Variants in ATP1A2 observed in about 807,000 individuals in gnomAD.
ATP1A2 encodes the protein sodium/potassium-transporting ATPase subunit alpha-2.
In ATP1A2, 56 loss-of-function variants were observed where a neutral mutation model predicts 113.1. The ratio of observed to expected loss-of-function variants is 0.49; its 90% confidence interval spans 0.40 to 0.62. ATP1A2 has a LOEUF of 0.62. Among genes scored for constraint, ATP1A2 ranks in the 20% least tolerant of loss-of-function variants. ATP1A2 has a pLI of 0.00. For synonymous variants in ATP1A2, 490 were observed against 526.8 expected, an observed-to-expected ratio of 0.93 and a Z score of 0.96; for missense variants, 712 against 1,357.8, an observed-to-expected ratio of 0.52 and a Z score of 7.47.
chr1:160,134,324 C>T (rs1406357323), intron 13 of ATP1A2, among the ~76,000 whole-genome samples, 160 bp from the exon 14 acceptor site: 11 of 152,036 alleles, frequency 7.2e-5, no homozygotes, highest in Non-Finnish European at 1.2e-4. Context: ...ACCCCAGCCA[C>T]TCCCCTGCCC....
Position 160,124,395 on chromosome 1 carries a change from G to A in ATP1A2, c.595G>A (p.Ala199Thr), listed in dbSNP as rs552070586. ...VEVKGGDRVP[A>T]DLRIISSHGC... ...GGTGAAGGGTGGAGACCGCGTCCCT[G>A]CTGACCTCCGGATCATCTCTTCTCA... Residue 199 changes from alanine (A) to threonine (T), a missense_variant, in exon 6 of 23, where the codon GCT becomes ACT. Around this residue, in one of 6 missense-constraint regions of ATP1A2, gnomAD observed 99 missense variants for 180.4 expected, o/e 0.55. Transcript: ENST00000361216. 2.5e-6 allele frequency: 4 copies of A among 1,611,994 alleles called. No individual in the cohort carries two copies. In the South Asian group the frequency reaches 4.4e-5, roughly 18 times the overall value.
rs2102000400 is a variant in ATP1A2 at position 160,141,687 on chromosome 1, A to G, written c.*365A>G. 8.9e-6 allele frequency: 3 copies of G among 335,522 alleles called. No homozygotes were observed. The highest frequency in any genetic ancestry group is 6.8e-5 in the East Asian group (1 of 14,796). 20.8% of individuals were successfully genotyped at this position (335,522 alleles called of 1,614,324 possible). A position where few individuals can be genotyped will look rare whatever the true frequency, so the allele number is the denominator to read the frequency against. ...GATCAGCATCCAAAAGCAGGAACCC[A>G]TCTAAACCAGAAGGAAGCCCTCTCA... is the stretch of plus-strand genomic sequence containing the variant. On this transcript the variant is annotated 3_prime_UTR_variant, in exon 23 of 23. Coordinates refer to ENST00000361216, the MANE Select transcript of ATP1A2 (RefSeq NM_000702.4).
intron 8 of ATP1A2, chr1:160,128,288 T>C (rs76012444): frequency 5.3e-5 from 26 of 488,408 alleles, no homozygotes; most frequent in Non-Finnish European, 9.2e-5. Context: ...CTGCTCCCCC[T>C]ACACTGATTC....
rs117680524 is a variant in ATP1A2, at chr1:160,141,464, A to G, written c.*142A>G. The G allele has an allele frequency of 2.8e-4, 297 of 1,047,636 alleles. No individual in the cohort carries two copies. In the East Asian group the frequency reaches 6.6e-3, roughly 23 times the overall value. The allele number at this position is 1,047,636 out of a possible 1,614,324, so 64.9% of individuals were successfully genotyped here. A position where few individuals can be genotyped will look rare whatever the true frequency, so the allele number is the denominator to read the frequency against. On this transcript the variant is annotated 3_prime_UTR_variant, in exon 23 of 23. Coordinates refer to ENST00000361216, the MANE Select transcript of ATP1A2 (RefSeq NM_000702.4). ...GATAATGAGGCAACTCAGCAGGCTA[A>G]GTTGCGGGGTATATAAATTGGGGTG... is the stretch of plus-strand genomic sequence containing the variant.
rs375107489 is a variant in ATP1A2, at chr1:160,135,130, C to T, written c.1965-15C>T. 6.8e-6 allele frequency: 11 copies of T among 1,613,798 alleles called. No homozygotes were observed. The African/African-American group carries it at 1.5e-4, about 22-fold the overall frequency. On this transcript the variant is annotated splice_polypyrimidine_tract_variant and intron_variant, in intron 14 of 22. Transcript: ENST00000361216. The surrounding 1 kb of genome is among the most constrained non-coding windows in gnomAD (Gnocchi z 6.3). ...TGCCAGGGGTCAGCTGTCTCTGTCC[C>T]CACCCACCCTCCAGAGAAGCCAAGG...
At chr1:160,136,458 G>A in intron 18 of ATP1A2, 88 bp downstream of exon 18, 2 of 1,612,404 alleles carry the variant, frequency 1.2e-6, no homozygotes, top group Non-Finnish European at 1.7e-6. Flanking sequence ...AAAATTCCAG[G>A]ACAGAGGCCA....
intron 13 of ATP1A2, among the ~76,000 whole-genome samples, chr1:160,131,624 A>G (rs969020041): frequency 2.0e-5 from 3 of 152,112 alleles, no homozygotes; most frequent in Non-Finnish European, 2.9e-5. Context: ...TAAGGAGTCC[A>G]AGACCAGCCT....
intron 5 of ATP1A2, 117 bp downstream of exon 5, chr1:160,124,173 T>G (rs1194725942): frequency 3.3e-5 from 51 of 1,556,070 alleles, no homozygotes; most frequent in Non-Finnish European, 4.4e-5. Flanking sequence ...TCCTCCAGCT[T>G]TCCATGCCAG....
intron 1 of ATP1A2, among the ~76,000 whole-genome samples, chr1:160,119,953 C>T (rs1252998312): frequency 6.6e-6 from 1 of 151,052 alleles, no homozygotes; most frequent in Non-Finnish European, 1.5e-5. Flanking sequence ...GCCCTAGAAG[C>T]GGAGGGTGCA....
At chr1:160,127,354 G>T (rs1055293440) in intron 7 of ATP1A2, among the ~76,000 whole-genome samples, 198 bp from the exon 8 acceptor site, 1 of 152,208 alleles carries the variant, frequency 6.6e-6, no homozygotes, top group Non-Finnish European at 1.5e-5. Context: ...AAAATAATTT[G>T]CTGTTGTATT....
At chr1:160,120,818 C>T in intron 1 of ATP1A2, 88 bp from the exon 2 acceptor site, 4 of 1,364,868 alleles carry the variant, frequency 2.9e-6, no homozygotes, top group Non-Finnish European at 4.1e-6. Flanking sequence ...CACACACCCC[C>T]ACTGCCTGGG....
At chr1:160,124,750 T>C (rs1651530580) in intron 6 of ATP1A2, among the ~76,000 whole-genome samples, 1 of 152,216 alleles carries the variant, frequency 6.6e-6, no homozygotes, top group African/African-American at 2.4e-5. Flanking sequence ...AGTGGTGTAA[T>C]CATGCAGGGC....
rs58789571 is a variant in ATP1A2 at position 160,128,151 on chromosome 1, C to T, written c.1017+331C>T. On this transcript the variant is annotated intron_variant, in intron 8 of 22. Coordinates refer to ENST00000361216, the MANE Select transcript of ATP1A2 (RefSeq NM_000702.4). The stretch of plus-strand genomic sequence containing the variant: ...GTCACTAACTAGCAAATCCAGGGAC[C>T]TTTTCTCAGCTCTCCTCCCTAACTC... 9.8e-4 allele frequency among the ~76,000 whole-genome samples: 149 copies of T among 152,296 alleles called. 2 individuals are homozygous for T. In the East Asian group the frequency reaches 0.024, roughly 25 times the overall value.
At chr1:160,117,592 G>A (rs777285203) in intron 1 of ATP1A2, among the ~76,000 whole-genome samples, 1 of 152,260 alleles carries the variant, frequency 6.6e-6, no homozygotes, top group Admixed American at 6.5e-5. Context: ...CTGGAGCTTA[G>A]AGTTCAACCT....
intron 7 of ATP1A2, among the ~76,000 whole-genome samples, chr1:160,125,811 C>T (rs1258031130): frequency 6.6e-6 from 1 of 152,208 alleles, no homozygotes; most frequent in East Asian, 1.9e-4. Context: ...TTTGCCCCAT[C>T]CCTGTTCTGG....
At position 160,128,865 on chromosome 1, in the gene ATP1A2, C is replaced by T; in HGVS notation, c.1216+15C>T. ...AGATCAGTCTGGTGATTGGGTGCTC[C>T]AGAGGGGGTGGATAGGATTAGAGGA... On this transcript the variant is annotated intron_variant, in intron 9 of 22. Coordinates refer to ENST00000361216, the MANE Select transcript of ATP1A2 (RefSeq NM_000702.4). 6.2e-7 allele frequency: 1 copy of T among 1,613,940 alleles called. No homozygotes were observed. Among genetic ancestry groups the T allele is most frequent in the East Asian group, 2.2e-5 (1 of 44,874 alleles).
At chr1:160,117,253 G>A (rs1470646981) in intron 1 of ATP1A2, among the ~76,000 whole-genome samples, 1 of 152,054 alleles carries the variant, frequency 6.6e-6, no homozygotes, top group African/African-American at 2.4e-5. Flanking sequence ...CCATGGAAAG[G>A]GCATCCCTAG....
At chr1:160,119,293 T>TTGGCTGTGG (rs1213622485) in intron 1 of ATP1A2, among the ~76,000 whole-genome samples, 6 of 62,992 alleles carry the variant, frequency 9.5e-5, no homozygotes, top group Non-Finnish European at 1.9e-4. Context: ...AGCAAACACC[T>TTGGCTGTGG]TGGCTGTGGA....
At chr1:160,134,750 T>A in intron 14 of ATP1A2, 130 bp downstream of exon 14, 1 of 1,359,066 alleles carries the variant, frequency 7.4e-7, no homozygotes, top group South Asian at 1.2e-5. Flanking sequence ...GACACTATTG[T>A]GACTGGTTCC....
Sources: gnomAD v4.1 joint callset for allele counts (sites outside exome capture counted in the v4.1 genomes callset) on GRCh38, gnomAD v4.1.1 for gene constraint, gnomAD v4.1.1 regional missense constraint, Gnocchi (gnomAD v3.1) non-coding constraint, MANE v1.5 for transcripts, NCBI Gene and HGNC (gene_info 2026-07-23, HGNC 2026-07-21) for gene names.